Variants in ASCC3 observed in about 807,000 individuals in gnomAD.
The protein encoded by ASCC3 is activating signal cointegrator 1 complex subunit 3.
Under a neutral mutation model 256.3 loss-of-function variants are expected in ASCC3, and 158 were observed. That is an observed-to-expected ratio of 0.62 (90% CI 0.54 to 0.70). The LOEUF (loss-of-function observed/expected upper bound fraction) is 0.70. Among genes scored for constraint, ASCC3 ranks in the 30% least tolerant of loss-of-function variants. ASCC3 has a pLI of 0.00. For synonymous variants in ASCC3, 948 were observed against 883.4 expected (o/e 1.07, Z -1.30); for missense variants, 2,259 against 2,626.0 (o/e 0.86, Z 3.05).
chr6:100,676,740 G>A (rs539877582), intron 14 of ASCC3, among the ~76,000 whole-genome samples: 33 of 131,944 alleles, frequency 2.5e-4, no homozygotes, highest in African/African-American at 6.9e-4. Context: ...ATGTGTGCGC[G>A]CGCGTGCGCG....
chr6:100,622,672 TAATA>T (rs1306991715), intron 30 of ASCC3, among the ~76,000 whole-genome samples: 1 of 151,686 alleles, frequency 6.6e-6, no homozygotes, highest in African/African-American at 2.4e-5. Flanking sequence ...AAATATTTGT[TAATA>T]AATACAATAA....
chr6:100,763,829 G>A (rs979596085), intron 10 of ASCC3, among the ~76,000 whole-genome samples: 2 of 152,190 alleles, frequency 1.3e-5, no homozygotes, highest in African/African-American at 4.8e-5. Flanking sequence ...TGGCAGGGCT[G>A]CACTCTCATC....
Position 100,631,113 on chromosome 6 carries a change from A to T in ASCC3, c.4208+15T>A. 2 of 1,571,750 alleles carry T rather than the reference A, an allele frequency of 1.3e-6. No individual in the cohort carries two copies. Among genetic ancestry groups the T allele is most frequent in the Non-Finnish European group, 1.7e-6 (2 of 1,143,480 alleles). ...CAATTCAAAGCGTATCTTTTGAGTA[A>T]AAGTAAGAACTTACTTTTTACCAAG... On this transcript the variant is annotated intron_variant, in intron 26 of 41. Coordinates refer to ENST00000369162, the MANE Select transcript of ASCC3 (RefSeq NM_006828.4).
chr6:100,664,184 G>C (rs1476699446), intron 14 of ASCC3, among the ~76,000 whole-genome samples: 1 of 151,382 alleles, frequency 6.6e-6, no homozygotes, highest in Non-Finnish European at 1.5e-5. Context: ...ATTTGCTATT[G>C]GTCTCAAAAT....
chr6:100,601,801 T>C lies in ASCC3; in HGVS notation c.5303+9A>G. The stretch of plus-strand genomic sequence containing the variant: ...AAACAGAAAGGTATATAACTGCCCT[T>C]GCACTTACCTGGGATTCATGATAAG... On this transcript the variant is annotated intron_variant, in intron 34 of 41. Coordinates refer to ENST00000369162, the MANE Select transcript of ASCC3 (RefSeq NM_006828.4). 6.2e-7 allele frequency: 1 copy of C among 1,611,854 alleles called. No homozygotes were observed. Among genetic ancestry groups the C allele is most frequent in the Non-Finnish European group, 8.5e-7 (1 of 1,178,384 alleles).
chr6:100,582,095 T>C (rs952156758), intron 36 of ASCC3, among the ~76,000 whole-genome samples: 1 of 151,430 alleles, frequency 6.6e-6, no homozygotes, highest in Non-Finnish European at 1.5e-5. Context: ...ATATGAACTT[T>C]AAAGTAGTTT....
At chr6:100,724,134 T>C (rs1269117789) in intron 11 of ASCC3, among the ~76,000 whole-genome samples, 1 of 105,258 alleles carries the variant, frequency 9.5e-6, no homozygotes, top group African/African-American at 3.6e-5. Context: ...TGAGAAAGAG[T>C]AGCTACAAAA....
At chr6:100,880,050 T>TTGAA (rs1045528799) in intron 1 of ASCC3, among the ~76,000 whole-genome samples, 3 of 152,162 alleles carry the variant, frequency 2.0e-5, no homozygotes, top group Non-Finnish European at 2.9e-5. Context: ...ATAGGAAGAC[T>TTGAA]TGAATGAATG....
At chr6:100,790,883 G>C (rs553143937) in intron 8 of ASCC3, among the ~76,000 whole-genome samples, 11 of 151,918 alleles carry the variant, frequency 7.2e-5, no homozygotes, top group East Asian at 3.9e-4. Context: ...TTATCTGTTT[G>C]CAAGTGTTCC....
chr6:100,532,005 A>G (rs1318249381), intron 37 of ASCC3, among the ~76,000 whole-genome samples: 1 of 150,718 alleles, frequency 6.6e-6, no homozygotes, highest in African/African-American at 2.4e-5. Context: ...TTTTTTTGTC[A>G]TTGCACTATG....
intron 13 of ASCC3, among the ~76,000 whole-genome samples, chr6:100,713,877 G>A (rs1212761821): frequency 2.0e-5 from 3 of 152,074 alleles, no homozygotes; most frequent in Non-Finnish European, 4.4e-5. Context: ...AAATGTGCAT[G>A]GTGATAACAT....
chr6:100,564,150 TG>T (rs1191369105), intron 36 of ASCC3, among the ~76,000 whole-genome samples: 1 of 151,828 alleles, frequency 6.6e-6, no homozygotes, highest in East Asian at 1.9e-4. Context: ...GGGGTACATG[TG>T]TTTTTTTTTT....
intron 33 of ASCC3, among the ~76,000 whole-genome samples, chr6:100,602,454 C>T (rs955796285): frequency 6.6e-6 from 1 of 151,388 alleles, no homozygotes; most frequent in African/African-American, 2.4e-5. Context: ...AAAATAAATA[C>T]AAGCTGACAA....
chr6:100,583,238 C>CT (rs1771418596), intron 36 of ASCC3, among the ~76,000 whole-genome samples: 1 of 152,164 alleles, frequency 6.6e-6, no homozygotes, highest in African/African-American at 2.4e-5. Flanking sequence ...CGTTGGTAAG[C>CT]TATTGATTAT....
At chr6:100,555,704 T>C (rs1050817850) in intron 36 of ASCC3, among the ~76,000 whole-genome samples, 3 of 152,216 alleles carry the variant, frequency 2.0e-5, no homozygotes, top group Non-Finnish European at 2.9e-5. Flanking sequence ...TAACAATGTT[T>C]AGATATTTTC....
intron 8 of ASCC3, among the ~76,000 whole-genome samples, chr6:100,782,648 C>T (rs377078100): frequency 3.6e-4 from 55 of 152,040 alleles, no homozygotes; most frequent in East Asian, 3.5e-3. Flanking sequence ...AGAAACAATC[C>T]GAATTTCCTC....
intron 14 of ASCC3, among the ~76,000 whole-genome samples, chr6:100,671,115 C>G (rs1011571039): frequency 6.6e-6 from 1 of 152,002 alleles, no homozygotes. Context: ...TATACCCATG[C>G]ACACAGGCAA....
intron 13 of ASCC3, among the ~76,000 whole-genome samples, chr6:100,695,509 C>T (rs1208052573): frequency 1.3e-5 from 2 of 152,078 alleles, no homozygotes; most frequent in South Asian, 2.1e-4. Context: ...AACTAAAGTG[C>T]TAAACAGACA....
In ASCC3 at chr6:100,512,576, T is replaced by G. The variant is rs750490245; in HGVS notation, c.6285+133A>C. On this transcript the variant is annotated intron_variant, in intron 40 of 41. Transcript: ENST00000369162. ...CTCACGAATTTCAAAAGACTAACTC[T>G]CGCTGCTTAAGACCAGTTGAGAAAG... 2.1e-4 allele frequency: 199 copies of G among 935,942 alleles called. No homozygotes were observed. In the Middle Eastern group the frequency reaches 4.1e-3, roughly 19 times the overall value. The allele number at this position is 935,942 out of a possible 1,614,324, so 58.0% of individuals were successfully genotyped here. A position where few individuals can be genotyped will look rare whatever the true frequency, so the allele number is the denominator to read the frequency against.
Sources: allele counts gnomAD v4.1 joint callset (sites outside exome capture counted in the v4.1 genomes callset), GRCh38; gene constraint gnomAD v4.1.1; transcripts MANE v1.5; gene names NCBI Gene and HGNC (gene_info 2026-07-23, HGNC 2026-07-21).